SEC24A: variants seen among roughly 807,000 people sequenced by gnomAD.
SEC24A encodes protein transport protein Sec24A.
A neutral mutation model predicts 129.4 loss-of-function variants in SEC24A; 93 were observed. That is an observed-to-expected ratio of 0.72 (90% CI 0.61 to 0.85). The LOEUF (loss-of-function observed/expected upper bound fraction) is 0.85, where lower values mean the gene tolerates loss of function less well. Ranked by LOEUF, SEC24A falls within the 40% of genes least tolerant of loss-of-function variation. The pLI, the probability that SEC24A is intolerant of heterozygous loss-of-function variation, is 0.00. For synonymous variants in SEC24A, 460 were observed against 467.3 expected, an observed-to-expected ratio of 0.98 and a Z score of 0.20; for missense variants, 1,264 against 1,307.4, an observed-to-expected ratio of 0.97 and a Z score of 0.51.
intron 1 of SEC24A, among the ~76,000 whole-genome samples, chr5:134,658,506 C>G (rs543185182): frequency 1.3e-5 from 2 of 152,138 alleles, no homozygotes; most frequent in Non-Finnish European, 2.9e-5. Flanking sequence ...TCAAGCAGTC[C>G]TCTTGCCTCA....
rs1561827226 is a variant in SEC24A, at chr5:134,703,767, AT to A, written c.2277del (p.His760IlefsTer68). ...ACCTTTTTCTCTTCTAGGTCTTTCCATTCATACTTTCCATGGAAACTTCTTT... is the reference window on the plus strand; with the variant it reads ...ACCTTTTTCTCTTCTAGGTCTTTCCATCATACTTTCCATGGAAACTTCTTT... ...MRIRCTKGLS[I>X]HTFHGNFFVR... On this transcript the variant is annotated frameshift_variant, in exon 16 of 23. Coordinates refer to ENST00000398844, the MANE Select transcript of SEC24A (RefSeq NM_021982.3). LOFTEE classifies it high-confidence loss of function. The A allele has an allele frequency of 6.2e-7, 1 of 1,609,550 alleles. No homozygotes were observed. The highest frequency in any genetic ancestry group is 8.5e-7 in the Non-Finnish European group (1 of 1,176,110).
Position 134,723,657 on chromosome 5 carries a change from CT to C in SEC24A, c.3157del (p.Tyr1053MetfsTer2). 6.3e-7 allele frequency: 1 copy of C among 1,595,232 alleles called. No homozygotes were observed. The highest frequency in any genetic ancestry group is 8.6e-7 in the Non-Finnish European group (1 of 1,163,418). On this transcript the variant is annotated frameshift_variant, in exon 22 of 23. Coordinates refer to ENST00000398844, the MANE Select transcript of SEC24A (RefSeq NM_021982.3). LOFTEE classifies it high-confidence loss of function. ...AGAGCAGAGACCATTTTTCCCAATA[CT>C]TTATGTAATAAGGTAAGTTGAATTT... ...LREQRPFFPI[L>X]YVIRDESPMK...
intron 2 of SEC24A, among the ~76,000 whole-genome samples, chr5:134,664,065 T>G (rs1002586839): frequency 1.3e-5 from 2 of 151,718 alleles, no homozygotes; most frequent in African/African-American, 4.9e-5. Context: ...GAGCTGAGAT[T>G]GCACCACTAC....
At chr5:134,707,448 G>C (rs1394963636) in intron 17 of SEC24A, among the ~76,000 whole-genome samples, 2 of 151,660 alleles carry the variant, frequency 1.3e-5, no homozygotes, top group African/African-American at 4.8e-5. Context: ...GCCTGCCTCA[G>C]CCTCCCCAGT....
rs2150104736 is a variant in SEC24A at position 134,703,747 on chromosome 5, T to C, written c.2267-12T>C. 1 of 1,584,344 alleles carries C rather than the reference T, an allele frequency of 6.3e-7. No individual in the cohort carries two copies. The highest frequency in any genetic ancestry group is 1.7e-4 in the Middle Eastern group (1 of 5,980). The stretch of plus-strand genomic sequence containing the variant: ...TATATAAAAATAATTTTGTTACCTT[T>C]TTCTCTTCTAGGTCTTTCCATTCAT... On this transcript the variant is annotated splice_polypyrimidine_tract_variant and intron_variant, in intron 15 of 22. Transcript: ENST00000398844.
rs917734552 is a variant in SEC24A, at chr5:134,724,944, C to T, written c.3168-36C>T. The T allele has an allele frequency of 9.6e-6, 10 of 1,037,092 alleles. No homozygotes were observed. In the African/African-American group the frequency reaches 1.1e-4, roughly 11 times the overall value. The allele number at this position is 1,037,092 out of a possible 1,614,324, so 64.2% of individuals were successfully genotyped here. A position where few individuals can be genotyped will look rare whatever the true frequency, so the allele number is the denominator to read the frequency against. On this transcript the variant is annotated intron_variant, in intron 22 of 22. Transcript: ENST00000398844. Reference sequence around the variant, plus strand: ...TTCTGACAAGTCTATTTTACTGCTACATTTTATCTAAATTTTTTTGCCTTT... The same window carrying T: ...TTCTGACAAGTCTATTTTACTGCTATATTTTATCTAAATTTTTTTGCCTTT...
In SEC24A at chr5:134,723,138, A is replaced by G. The variant is rs547536721; in HGVS notation, c.3064-429A>G. Among the ~76,000 whole-genome samples the G allele has an allele frequency of 2.0e-5, 3 of 152,154 alleles. No homozygotes were observed. The East Asian group carries it at 5.8e-4, about 29-fold the overall frequency. On this transcript the variant is annotated intron_variant, in intron 21 of 22. Coordinates refer to ENST00000398844, the MANE Select transcript of SEC24A (RefSeq NM_021982.3). ...ACACCAGTGCACTTCAGCCTGGGCA[A>G]CAGAGCAAGACCTTGTCTCAAAAAA... is the stretch of plus-strand genomic sequence containing the variant.
intron 20 of SEC24A, among the ~76,000 whole-genome samples, chr5:134,720,752 A>C (rs1752605932): frequency 6.6e-6 from 1 of 151,916 alleles, no homozygotes; most frequent in African/African-American, 2.4e-5. Context: ...AAAATACAAA[A>C]ATTAGCTGGG....
At chr5:134,667,728 A>G (rs1750717134) in intron 3 of SEC24A, among the ~76,000 whole-genome samples, 1 of 151,992 alleles carries the variant, frequency 6.6e-6, no homozygotes, top group Non-Finnish European at 1.5e-5. Context: ...GTTAACACAT[A>G]CTTATGAAAC....
At chr5:134,676,652 C>T (rs1751077585) in intron 7 of SEC24A, among the ~76,000 whole-genome samples, 1 of 152,024 alleles carries the variant, frequency 6.6e-6, no homozygotes, top group South Asian at 2.1e-4. Context: ...CCATGTTGGC[C>T]AGACTGGTCT....
intron 11 of SEC24A, 118 bp from the exon 12 acceptor site, chr5:134,692,484 A>G (rs976939693): frequency 1.7e-6 from 1 of 604,800 alleles, no homozygotes; most frequent in Non-Finnish European, 3.0e-6. Context: ...GTGCTATAAT[A>G]GTGGAGGAGG....
In SEC24A at chr5:134,693,836, C is replaced by G. The variant is rs1165883326; in HGVS notation, c.1889C>G (p.Thr630Ser). The part of the protein sequence containing the change: ...LQAAFKLMSP[T>S]GGRMSVFQTQ... ...GCTGCCTTTAAGCTGATGTCTCCAA[C>G]TGGTGGTCGAATGTCTGTCTTTCAA... The change falls in exon 13 of 23, where the codon ACT (threonine) becomes AGT (serine). Residue 630 changes from threonine (T) to serine (S), a missense_variant. By Grantham distance (58) the Thr-to-Ser change is moderately conservative (BLOSUM62 1). Coordinates refer to ENST00000398844, the MANE Select transcript of SEC24A (RefSeq NM_021982.3). 4 of 1,614,036 alleles carry G rather than the reference C, an allele frequency of 2.5e-6. No individual in the cohort carries two copies. In the African/African-American group the frequency reaches 5.3e-5, roughly 22 times the overall value.
chr5:134,654,176 T>TA (rs1300161809), intron 1 of SEC24A, among the ~76,000 whole-genome samples: 4 of 149,578 alleles, frequency 2.7e-5, no homozygotes, highest in Non-Finnish European at 4.5e-5. Flanking sequence ...AATAAATTAA[T>TA]AAAAAACAAA....
At chr5:134,720,871 C>T in intron 20 of SEC24A, 127 bp from the exon 21 acceptor site, 2 of 531,100 alleles carry the variant, frequency 3.8e-6, no homozygotes, top group Non-Finnish European at 6.7e-6. Context: ...CACTGCACTC[C>T]AGCCTGGGTG....
intron 15 of SEC24A, among the ~76,000 whole-genome samples, chr5:134,699,421 C>T (rs1160796194): frequency 1.4e-4 from 21 of 151,788 alleles, no homozygotes; most frequent in African/African-American, 5.1e-4. Flanking sequence ...GCCTCAGCCT[C>T]CCAAGTAGCT....
chr5:134,648,535 G>A (rs1396773505), upstream of SEC24A: 1 of 152,672 alleles, frequency 6.5e-6, no homozygotes, highest in East Asian at 1.9e-4. Flanking sequence ...CTGCGAGCGA[G>A]GTCACGTTCA....
At chr5:134,674,901 A>G (rs1751004813) in intron 5 of SEC24A, 126 bp downstream of exon 5, 1 of 1,121,272 alleles carries the variant, frequency 8.9e-7, no homozygotes, top group Non-Finnish European at 1.2e-6. Flanking sequence ...TGGATATTTC[A>G]TAAAGCCTTT....
chr5:134,693,799 C>G lies in SEC24A; in HGVS notation c.1852C>G (p.Pro618Ala), dbSNP rs1751736450. Residue 618 changes from proline (P) to alanine (A), a missense_variant, in exon 13 of 23, where the codon CCT becomes GCT. Coordinates refer to ENST00000398844, the MANE Select transcript of SEC24A (RefSeq NM_021982.3). ...TCTGGAGACCCAGAGTGCCTTGGGT[C>G]CTGCACTGCAGGCTGCCTTTAAGCT... ...KTLETQSALG[P>A]ALQAAFKLMS... 1 of 1,614,160 alleles carries G rather than the reference C, an allele frequency of 6.2e-7. No individual in the cohort carries two copies. The highest frequency in any genetic ancestry group is 8.5e-7 in the Non-Finnish European group (1 of 1,180,026).
chr5:134,710,533 C>T (rs936885213), intron 18 of SEC24A, among the ~76,000 whole-genome samples: 8 of 152,060 alleles, frequency 5.3e-5, no homozygotes, highest in African/African-American at 1.7e-4. Context: ...ATGCCTGGTC[C>T]TTAATCTTCT....
Sources: allele counts gnomAD v4.1 joint callset (sites outside exome capture counted in the v4.1 genomes callset), GRCh38; gene constraint gnomAD v4.1.1; transcripts MANE v1.5; gene names NCBI Gene and HGNC (gene_info 2026-07-23, HGNC 2026-07-21).